The following CKAP5 variants were observed in gnomAD, a reference collection of about 807,000 sequenced individuals.
CKAP5 encodes cytoskeleton associated protein 5, also known as cytoskeleton-associated protein 5.
A neutral mutation model predicts 232.8 loss-of-function variants in CKAP5; 27 were observed. That is an observed-to-expected ratio of 0.12 (90% CI 0.09 to 0.16). The LOEUF (loss-of-function observed/expected upper bound fraction) is 0.16, where lower values mean the gene tolerates loss of function less well. Among genes scored for constraint, CKAP5 ranks in the 10% least tolerant of loss-of-function variants. CKAP5 has a pLI of 1.00. For missense variants in CKAP5, 1,838 were observed against 2,424.7 expected, an observed-to-expected ratio of 0.76 and a Z score of 5.08; for synonymous variants, 785 against 841.1, an observed-to-expected ratio of 0.93 and a Z score of 1.16.
Position 46,763,494 on chromosome 11 carries a change from G to A in CKAP5, c.3674C>T (p.Ala1225Val). The A allele has an allele frequency of 6.3e-7, 1 of 1,596,950 alleles. No homozygotes were observed. The highest frequency in any genetic ancestry group is 8.5e-7 in the Non-Finnish European group (1 of 1,173,882). ...SDFQHHNKAL[A>V]VMVDHLESEK... ...TTGCAGACTTACATCAACCATAACA[G>A]CAAGGGCTTTGTTATGATGCTGAAA... is the stretch of plus-strand genomic sequence containing the variant. Residue 1225 changes from alanine (A) to valine (V), a missense_variant, in exon 29 of 44, where the codon GCT (alanine) becomes GTT (valine). Ala to Val is a moderately conservative substitution (Grantham distance 64). Transcript: ENST00000529230.
chr11:46,750,092 T>C (rs2065052110), intron 42 of CKAP5, among the ~76,000 whole-genome samples, 182 bp downstream of exon 42: 1 of 152,196 alleles, frequency 6.6e-6, no homozygotes, highest in African/African-American at 2.4e-5. Context: ...CATTGTCAAA[T>C]ACTGATGATG....
intron 42 of CKAP5, among the ~76,000 whole-genome samples, chr11:46,746,197 T>C (rs762039816): frequency 2.2e-4 from 33 of 152,248 alleles, no homozygotes; most frequent in Non-Finnish European, 3.7e-4. Flanking sequence ...GAACTAAGCA[T>C]AGAACTGATG....
intron 4 of CKAP5, among the ~76,000 whole-genome samples, chr11:46,814,923 C>T (rs980117383): frequency 1.3e-5 from 2 of 152,070 alleles, no homozygotes; most frequent in African/African-American, 2.4e-5. Context: ...GTATAGACTT[C>T]GAAAGTCTAT....
chr11:46,787,040 C>A (rs2134633352), intron 16 of CKAP5, among the ~76,000 whole-genome samples: 1 of 152,184 alleles, frequency 6.6e-6, no homozygotes, highest in South Asian at 2.1e-4. Flanking sequence ...CGCCTGTGGT[C>A]CCGACTACTT....
In CKAP5 at chr11:46,744,528, T is replaced by C. The variant is rs745647544; in HGVS notation, c.5754A>G (p.Thr1918=). 1 of 1,614,166 alleles carries C rather than the reference T, an allele frequency of 6.2e-7. No individual in the cohort carries two copies. Among genetic ancestry groups the C allele is most frequent in the South Asian group, 1.1e-5 (1 of 91,082 alleles). Residue 1918 remains threonine (T), a synonymous_variant, in exon 43 of 44, where the codon ACA becomes ACG. Coordinates refer to ENST00000529230, the MANE Select transcript of CKAP5 (RefSeq NM_001008938.4). The part of the protein sequence containing the change: ...EVTCVPTPTS[T]VSSIGNTNGE... ...CATTTGTGTTACCTATGGAGGACAC[T>C]GTGCTTGTGGGCGTGGGCACACATG...
At chr11:46,814,119 G>A (rs1441061470) in intron 4 of CKAP5, among the ~76,000 whole-genome samples, 5 of 122,580 alleles carry the variant, frequency 4.1e-5, no homozygotes, top group South Asian at 5.6e-4. Flanking sequence ...GTGACAGAGC[G>A]AGACCTTGTC....
Position 46,790,453 on chromosome 11 carries a change from A to C in CKAP5, c.1764+17T>G, listed in dbSNP as rs1231285771. 6 of 1,546,480 alleles carry C rather than the reference A, an allele frequency of 3.9e-6. No homozygotes were observed. Among genetic ancestry groups the C allele is most frequent in the Non-Finnish European group, 5.3e-6 (6 of 1,123,548 alleles). On this transcript the variant is annotated intron_variant, in intron 14 of 43. Transcript: ENST00000529230. ...TGCAGGGTTCATGATTTTCAGGCTC[A>C]GTGTGTTAATACTGACCGAGAGCTC...
intron 8 of CKAP5, chr11:46,802,086 A>C (rs1939043197): frequency 6.6e-6 from 1 of 152,166 alleles, no homozygotes. Flanking sequence ...CTAAATTGTG[A>C]ATGCTACTGC....
chr11:46,810,816 G>A (rs1939258153), intron 5 of CKAP5, among the ~76,000 whole-genome samples, 191 bp downstream of exon 5: 1 of 152,122 alleles, frequency 6.6e-6, no homozygotes, highest in African/African-American at 2.4e-5. Flanking sequence ...CAGAAAGAAT[G>A]TACTTCACAC....
intron 3 of CKAP5, 34 bp from the exon 4 acceptor site, chr11:46,816,438 TAAG>T (rs1939403613): frequency 6.4e-7 from 1 of 1,573,630 alleles, no homozygotes; most frequent in Non-Finnish European, 8.7e-7. Flanking sequence ...AAATCCCACT[TAAG>T]TAGTAAGAAT....
At chr11:46,810,655 A>C (rs1288710488) in intron 5 of CKAP5, among the ~76,000 whole-genome samples, 1 of 152,172 alleles carries the variant, frequency 6.6e-6, no homozygotes, top group Non-Finnish European at 1.5e-5. Flanking sequence ...AGCATAAGTC[A>C]AACCAACTTG....
At chr11:46,755,627 G>A (rs2065105039) in intron 35 of CKAP5, among the ~76,000 whole-genome samples, 1 of 151,400 alleles carries the variant, frequency 6.6e-6, no homozygotes, top group Non-Finnish European at 1.5e-5. Flanking sequence ...CTAGTTCAGG[G>A]AATAATAATC....
intron 4 of CKAP5, among the ~76,000 whole-genome samples, chr11:46,813,790 G>T (rs1939329530): frequency 6.6e-6 from 1 of 152,026 alleles, no homozygotes; most frequent in South Asian, 2.1e-4. Flanking sequence ...GCTAAAAAAT[G>T]AAATAACCAG....
chr11:46,767,271 C>T (rs986947366), intron 27 of CKAP5, among the ~76,000 whole-genome samples: 2 of 152,118 alleles, frequency 1.3e-5, no homozygotes, highest in Non-Finnish European at 2.9e-5. Context: ...CCGCCTGCCT[C>T]GGCCTCCCAA....
At chr11:46,771,829 C>T (rs190784027) in intron 24 of CKAP5, among the ~76,000 whole-genome samples, 3 of 152,188 alleles carry the variant, frequency 2.0e-5, no homozygotes, top group East Asian at 1.9e-4. Context: ...AGTAACTGCA[C>T]GTTTAGTTTT....
At chr11:46,772,459 G>C (rs1004881364) in intron 24 of CKAP5, among the ~76,000 whole-genome samples, 2 of 152,110 alleles carry the variant, frequency 1.3e-5, no homozygotes, top group Non-Finnish European at 2.9e-5. Context: ...TCCATAATCT[G>C]TTTTGAGACA....
chr11:46,803,855 G>A (rs1021122709), intron 8 of CKAP5, among the ~76,000 whole-genome samples: 2 of 152,074 alleles, frequency 1.3e-5, no homozygotes, highest in Non-Finnish European at 2.9e-5. Flanking sequence ...ATTTATAAAT[G>A]TTCTGATTAT....
At chr11:46,772,629 T>C (rs2065256842) in intron 24 of CKAP5, among the ~76,000 whole-genome samples, 1 of 152,222 alleles carries the variant, frequency 6.6e-6, no homozygotes, top group African/African-American at 2.4e-5. Context: ...CTCTCTGTTG[T>C]TCCAATGATC....
chr11:46,753,275 GC>G, intron 37 of CKAP5, 34 bp downstream of exon 37: 1 of 1,514,848 alleles, frequency 6.6e-7, no homozygotes, highest in Non-Finnish European at 8.9e-7. Context: ...AAGCGAGGAT[GC>G]CCCAGGCTCT....
Sources: gnomAD v4.1 joint callset for allele counts (sites outside exome capture counted in the v4.1 genomes callset) on GRCh38, gnomAD v4.1.1 for gene constraint, MANE v1.5 for transcripts, NCBI Gene and HGNC (gene_info 2026-07-23, HGNC 2026-07-21) for gene names.